The following SMURF1 variants were observed in gnomAD, a reference collection of about 807,000 sequenced individuals.
SMURF1 encodes SMAD specific E3 ubiquitin protein ligase 1, also known as E3 ubiquitin-protein ligase SMURF1.
SMURF1 carries 44 observed loss-of-function variants against 98.0 expected under a neutral mutation model. The ratio of observed to expected loss-of-function variants is 0.45; its 90% CI spans 0.35 to 0.58. SMURF1 has a LOEUF of 0.58. Among genes scored for constraint, SMURF1 ranks in the 20% least tolerant of loss-of-function variants. The pLI is 0.00. For synonymous variants in SMURF1, 396 were observed against 374.9 expected (o/e 1.06, Z -0.65); for missense variants, 687 against 938.4 (o/e 0.73, Z 3.50).
intron 1 of SMURF1, among the ~76,000 whole-genome samples, chr7:99,095,034 C>T (rs1001156624): frequency 3.3e-5 from 5 of 151,910 alleles, no homozygotes; most frequent in African/African-American, 9.7e-5. Flanking sequence ...CCAATTCAAG[C>T]ATTGCCAGGT....
chr7:99,141,310 A>G (rs147439616), intron 1 of SMURF1, among the ~76,000 whole-genome samples: 2 of 152,358 alleles, frequency 1.3e-5, no homozygotes, highest in African/African-American at 2.4e-5. Flanking sequence ...AGACATAAAC[A>G]TTTCAATTAA....
rs947786088 is a variant in SMURF1, at chr7:99,035,979, C to T, written c.1810-263G>A. On this transcript the variant is annotated intron_variant, in intron 15 of 17. Coordinates refer to ENST00000361368, the MANE Select transcript of SMURF1 (RefSeq NM_181349.3). Reference sequence around the variant, plus strand: ...ATGGGATGTTATTTTATAACCAAAGCGGGGTTTTTGCTCTGCATCGGTGAG... The same window carrying T: ...ATGGGATGTTATTTTATAACCAAAGTGGGGTTTTTGCTCTGCATCGGTGAG... The T allele has an allele frequency of 1.0e-5, 5 of 493,806 alleles. No individual in the cohort carries two copies. The South Asian group carries it at 1.0e-4, about 10-fold the overall frequency. The allele number at this position is 493,806 out of a possible 1,614,324, so 30.6% of individuals were successfully genotyped here.
intron 1 of SMURF1, among the ~76,000 whole-genome samples, chr7:99,064,088 T>G (rs186451176): frequency 5.9e-5 from 9 of 152,378 alleles, no homozygotes; most frequent in Admixed American, 1.3e-4. Flanking sequence ...TTTTAAGTTG[T>G]TAAACCAACC....
chr7:99,129,508 C>G (rs912512892), intron 1 of SMURF1, among the ~76,000 whole-genome samples: 8 of 152,150 alleles, frequency 5.3e-5, no homozygotes, highest in African/African-American at 1.9e-4. Context: ...TCTCCCACCT[C>G]AGCTCCCAAG....
At position 99,120,219 on chromosome 7, in the gene SMURF1, A is replaced by G. The variant is rs568552301; in HGVS notation, c.55+23507T>C. On this transcript the variant is annotated intron_variant, in intron 1 of 17. Transcript: ENST00000361368. Reference sequence around the variant, plus strand: ...CAGAAGCTAAGCAGATGCCAACACCATGCTTTGTGTACAGCCTGCAGGACC... The same window carrying G: ...CAGAAGCTAAGCAGATGCCAACACCGTGCTTTGTGTACAGCCTGCAGGACC... Among the ~76,000 whole-genome samples the G allele has an allele frequency of 4.6e-5, 7 of 152,294 alleles. No homozygotes were observed. In the South Asian group the frequency reaches 1.4e-3, roughly 32 times the overall value.
chr7:99,132,699 G>GACGGACAC (rs1554451189), intron 1 of SMURF1, among the ~76,000 whole-genome samples: 109 of 147,400 alleles, frequency 7.4e-4, no homozygotes, highest in African/African-American at 2.7e-3. Context: ...CAGACACACG[G>GACGGACAC]ACACACACAC....
intron 1 of SMURF1, among the ~76,000 whole-genome samples, chr7:99,073,863 A>T (rs1796391422): frequency 6.6e-6 from 1 of 152,160 alleles, no homozygotes; most frequent in Non-Finnish European, 1.5e-5. Flanking sequence ...TAGTAAAAGG[A>T]TAATAAATAA....
At chr7:99,137,578 TG>T (rs1043082354) in intron 1 of SMURF1, among the ~76,000 whole-genome samples, 3 of 152,198 alleles carry the variant, frequency 2.0e-5, no homozygotes, top group African/African-American at 7.2e-5. Context: ...AGCTGCAAGT[TG>T]GGCTCCGGAG....
intron 1 of SMURF1, among the ~76,000 whole-genome samples, chr7:99,067,262 C>T: frequency 6.6e-6 from 1 of 151,740 alleles, no homozygotes; most frequent in East Asian, 1.9e-4. Flanking sequence ...TCCCAAAGTG[C>T]TGGGATTACA....
At chr7:99,046,981 G>A (rs1795603568) in intron 10 of SMURF1, among the ~76,000 whole-genome samples, 1 of 152,182 alleles carries the variant, frequency 6.6e-6, no homozygotes, top group African/African-American at 2.4e-5. Flanking sequence ...GTCACCCAGG[G>A]AGAATCTGTG....
chr7:99,106,382 A>C (rs538919082), intron 1 of SMURF1, among the ~76,000 whole-genome samples: 1 of 152,280 alleles, frequency 6.6e-6, no homozygotes, highest in East Asian at 1.9e-4. Flanking sequence ...ATTAAGATAC[A>C]CTGTGGTTTG....
At chr7:99,060,132 C>G (rs1795994388) in intron 3 of SMURF1, among the ~76,000 whole-genome samples, 1 of 151,938 alleles carries the variant, frequency 6.6e-6, no homozygotes, top group Non-Finnish European at 1.5e-5. Flanking sequence ...AATCCCAACA[C>G]TTTGGGAGGC....
chr7:99,057,651 C>G (rs1795917781), intron 3 of SMURF1, 100 bp from the exon 4 acceptor site: 1 of 1,359,354 alleles, frequency 7.4e-7, no homozygotes. Flanking sequence ...TGCCCCCAGG[C>G]TGGAGTGCAG....
intron 1 of SMURF1, among the ~76,000 whole-genome samples, chr7:99,068,987 AAAT>A (rs1266941383): frequency 2.6e-5 from 4 of 152,186 alleles, no homozygotes; most frequent in Non-Finnish European, 5.9e-5. Flanking sequence ...AAAACCAAAA[AAAT>A]AAGGACAATG....
intron 1 of SMURF1, among the ~76,000 whole-genome samples, chr7:99,062,405 C>G (rs554924550): frequency 6.6e-6 from 1 of 152,178 alleles, no homozygotes; most frequent in South Asian, 2.1e-4. Flanking sequence ...ACAGAAGAAG[C>G]TATGCAATTT....
chr7:99,057,228 T>A lies in SMURF1; in HGVS notation c.380A>T (p.Asp127Val). The change falls in exon 5 of 18, where the codon GAT (aspartate) becomes GTT (valine). Residue 127 changes from aspartate (D) to valine (V), a missense_variant. Coordinates refer to ENST00000361368, the MANE Select transcript of SMURF1 (RefSeq NM_181349.3). Reference protein sequence around the residue: ...DLCKLNPSDTDAVRGQIVVSL... With the variant: ...DLCKLNPSDTVAVRGQIVVSL... Reference sequence around the variant, plus strand: ...ACCCACTATCTGGCCACGAACTGCATCAGTATCTGAGGGGTTTAGTTTGCA... The same window carrying A: ...ACCCACTATCTGGCCACGAACTGCAACAGTATCTGAGGGGTTTAGTTTGCA... 2 of 1,614,016 alleles carry A rather than the reference T, an allele frequency of 1.2e-6. No individual in the cohort carries two copies. The highest frequency in any genetic ancestry group is 1.7e-6 in the Non-Finnish European group (2 of 1,179,930).
intron 1 of SMURF1, among the ~76,000 whole-genome samples, chr7:99,112,586 A>G (rs1420689868): frequency 6.6e-6 from 1 of 152,250 alleles, no homozygotes; most frequent in East Asian, 1.9e-4. Flanking sequence ...GGAACAAAAA[A>G]ATTACAAGAC....
intron 5 of SMURF1, 143 bp from the exon 6 acceptor site, chr7:99,055,008 T>C (rs1353010527): frequency 1.6e-5 from 11 of 678,114 alleles, no homozygotes; most frequent in Non-Finnish European, 5.2e-6. Flanking sequence ...TATATTCCTA[T>C]GCTTTCCAAT....
intron 7 of SMURF1, among the ~76,000 whole-genome samples, chr7:99,051,846 G>A (rs1441191612): frequency 1.3e-5 from 2 of 152,138 alleles, no homozygotes; most frequent in Admixed American, 6.5e-5. Context: ...TTATGGCACA[G>A]GCTACTCAAA....
Sources: gnomAD v4.1 joint callset for allele counts (sites outside exome capture counted in the v4.1 genomes callset) on GRCh38, gnomAD v4.1.1 for gene constraint, MANE v1.5 for transcripts, NCBI Gene and HGNC (gene_info 2026-07-23, HGNC 2026-07-21) for gene names.